The following BCAS3 variants were observed in gnomAD, a reference collection of about 807,000 sequenced individuals.
The protein encoded by BCAS3 is BCAS3 microtubule associated cell migration factor.
In BCAS3, 53 loss-of-function variants were observed where a neutral mutation model predicts 116.1. That is an observed-to-expected ratio of 0.46 (90% CI 0.37 to 0.57). BCAS3 has a LOEUF of 0.57. Ranked by LOEUF, BCAS3 falls within the 20% of genes least tolerant of loss-of-function variation. The pLI is 0.00. For missense variants in BCAS3, 917 were observed against 1,165.4 expected (o/e 0.79, Z 3.10); for synonymous variants, 391 against 408.2 (o/e 0.96, Z 0.51).
At position 61,132,996 on chromosome 17, in the gene BCAS3, T is replaced by G. The variant is rs2076418758; in HGVS notation, c.2425+48432T>G. Among the ~76,000 whole-genome samples, 1 of 152,198 alleles carries G rather than the reference T, an allele frequency of 6.6e-6. No homozygotes were observed. The highest frequency in any genetic ancestry group is 1.5e-5 in the Non-Finnish European group (1 of 68,038). ...ACTGTACTGAAAGAATCTTGTCAGA[T>G]ATCCAAGGCTAAAGGAAAATTTTAA... On this transcript the variant is annotated intron_variant, in intron 22 of 23. Transcript: ENST00000407086. The surrounding 1 kb of genome is among the most constrained non-coding windows in gnomAD (Gnocchi z 5.1).
At chr17:60,930,978 A>G (rs991475628) in intron 13 of BCAS3, among the ~76,000 whole-genome samples, 4 of 152,218 alleles carry the variant, frequency 2.6e-5, no homozygotes, top group African/African-American at 9.6e-5. Context: ...TATGGGACCT[A>G]TTCAGAAAAG....
At chr17:61,182,556 A>T (rs931713354) in intron 22 of BCAS3, among the ~76,000 whole-genome samples, 10 of 152,240 alleles carry the variant, frequency 6.6e-5, no homozygotes, top group African/African-American at 2.4e-4. Flanking sequence ...CATGGTAAGT[A>T]TACAATTTAA....
intron 23 of BCAS3, among the ~76,000 whole-genome samples, chr17:61,369,400 G>T (rs1299900723): frequency 6.6e-6 from 1 of 152,124 alleles, no homozygotes; most frequent in South Asian, 2.1e-4. Flanking sequence ...CGTTCCACAT[G>T]CCTCCCTGCA....
intron 4 of BCAS3, among the ~76,000 whole-genome samples, chr17:60,701,805 C>CAAAAAAAAA (rs71370178): frequency 1.6e-4 from 12 of 77,042 alleles, no homozygotes; most frequent in South Asian, 3.9e-4. Flanking sequence ...ACTAAAAATA[C>CAAAAAAAAA]AAAAAAAAAA....
Position 61,199,470 on chromosome 17 carries a change from G to C in BCAS3, c.2425+114906G>C, listed in dbSNP as rs757538633. On this transcript the variant is annotated intron_variant, in intron 22 of 23. Coordinates refer to ENST00000407086, the MANE Select transcript of BCAS3 (RefSeq NM_017679.5). This position sits in a 1 kb window ranked among gnomAD's most constrained non-coding sequence, Gnocchi z 4.6. ...ATAGTAGCTATCACAACCAAATTTA[G>C]AATGTGACACCATTGTTTAGGTGTA... is the stretch of plus-strand genomic sequence containing the variant. Among the ~76,000 whole-genome samples the C allele has an allele frequency of 3.2e-4, 48 of 152,172 alleles. No homozygotes were observed. The highest frequency in any genetic ancestry group is 6.3e-4 in the Non-Finnish European group (43 of 68,036).
chr17:60,927,746 T>C (rs1274493305), intron 13 of BCAS3, among the ~76,000 whole-genome samples: 2 of 152,166 alleles, frequency 1.3e-5, no homozygotes, highest in African/African-American at 4.8e-5. Context: ...ATTAGTTAAC[T>C]GTACCTGTAA....
Position 61,156,115 on chromosome 17 carries a change from G to A in BCAS3, c.2425+71551G>A, listed in dbSNP as rs551992525. 1.3e-5 allele frequency among the ~76,000 whole-genome samples: 2 copies of A among 151,458 alleles called. No homozygotes were observed. The highest frequency in any genetic ancestry group is 6.6e-5 in the Admixed American group (1 of 15,190). Reference sequence around the variant, plus strand: ...TCACCTATCAGCAAATAATTTACTCGGTATGCACCACAAACAAACGCAGAG... The same window carrying A: ...TCACCTATCAGCAAATAATTTACTCAGTATGCACCACAAACAAACGCAGAG... On this transcript the variant is annotated intron_variant, in intron 22 of 23. Coordinates refer to ENST00000407086, the MANE Select transcript of BCAS3 (RefSeq NM_017679.5). This position sits in a 1 kb window ranked among gnomAD's most constrained non-coding sequence, Gnocchi z 4.7.
chr17:61,256,936 C>A lies in BCAS3; in HGVS notation c.2426-111391C>A, dbSNP rs1446140011. Among the ~76,000 whole-genome samples the A allele has an allele frequency of 6.6e-6, 1 of 151,956 alleles. No homozygotes were observed. The highest frequency in any genetic ancestry group is 1.5e-5 in the Non-Finnish European group (1 of 67,994). Reference sequence around the variant, plus strand: ...AATTCCTTGGAGGTGAACCTAGGTTCTCTTTGAGGTATTTTCTCTACCAAA... The same window carrying A: ...AATTCCTTGGAGGTGAACCTAGGTTATCTTTGAGGTATTTTCTCTACCAAA... On this transcript the variant is annotated intron_variant, in intron 22 of 23. Coordinates refer to ENST00000407086, the MANE Select transcript of BCAS3 (RefSeq NM_017679.5). This position sits in a 1 kb window ranked among gnomAD's most constrained non-coding sequence, Gnocchi z 5.6.
Position 61,365,789 on chromosome 17 carries a change from C to T in BCAS3, c.2426-2538C>T, listed in dbSNP as rs922226065. Among the ~76,000 whole-genome samples the T allele has an allele frequency of 1.3e-5, 2 of 152,082 alleles. No homozygotes were observed. The highest frequency in any genetic ancestry group is 2.4e-5 in the African/African-American group (1 of 41,410). ...CTCCTGCTCTTGTGAAGTGAGAAAA[C>T]AAATGGTCATTCTCTTCCCAATTTT... On this transcript the variant is annotated intron_variant, in intron 22 of 23. Transcript: ENST00000407086. This position sits in a 1 kb window ranked among gnomAD's most constrained non-coding sequence, Gnocchi z 4.6.
rs1424353213 is a variant in BCAS3 at position 61,199,425 on chromosome 17, C to T, written c.2425+114861C>T. ...CGACATCATACTGACTACAAATTAC[C>T]TCCCCTAGTTTAAAGGCAAATAGTA... On this transcript the variant is annotated intron_variant, in intron 22 of 23. Coordinates refer to ENST00000407086, the MANE Select transcript of BCAS3 (RefSeq NM_017679.5). The surrounding 1 kb of genome is among the most constrained non-coding windows in gnomAD (Gnocchi z 4.6). Among the ~76,000 whole-genome samples the T allele has an allele frequency of 6.6e-6, 1 of 152,172 alleles. No individual in the cohort carries two copies. Among genetic ancestry groups the T allele is most frequent in the Non-Finnish European group, 1.5e-5 (1 of 68,032 alleles).
Position 61,161,419 on chromosome 17 carries a change from T to G in BCAS3, c.2425+76855T>G, listed in dbSNP as rs2078161047. On this transcript the variant is annotated intron_variant, in intron 22 of 23. Coordinates refer to ENST00000407086, the MANE Select transcript of BCAS3 (RefSeq NM_017679.5). This position sits in a 1 kb window ranked among gnomAD's most constrained non-coding sequence, Gnocchi z 4.8. ...CAAGGCCCACTTGTTGCATTTAATT[T>G]AAAGCAGTTGTCCCAATTTCATTAC... Among the ~76,000 whole-genome samples the G allele has an allele frequency of 6.6e-6, 1 of 152,236 alleles. No homozygotes were observed. The highest frequency in any genetic ancestry group is 2.4e-5 in the African/African-American group (1 of 41,468).
At chr17:61,091,777 A>G (rs944235079) in intron 22 of BCAS3, among the ~76,000 whole-genome samples, 2 of 152,234 alleles carry the variant, frequency 1.3e-5, no homozygotes, top group Non-Finnish European at 2.9e-5. Context: ...GGAAAGAATA[A>G]TGACCACTAA....
intron 22 of BCAS3, among the ~76,000 whole-genome samples, chr17:61,250,425 A>G (rs1456380520): frequency 1.3e-5 from 2 of 152,204 alleles, no homozygotes; most frequent in African/African-American, 2.4e-5. Flanking sequence ...GAGGACCCAG[A>G]GAAGGCTTGT....
chr17:61,254,184 G>GT (rs141264303), intron 22 of BCAS3, among the ~76,000 whole-genome samples: 1,595 of 152,206 alleles, frequency 0.01, 35 homozygotes, highest in African/African-American at 0.036. Context: ...GTGGATGTTT[G>GT]TTTTTTATTT....
chr17:61,026,815 A>C lies in BCAS3; in HGVS notation c.1638-7851A>C. 1 of 1,505,566 alleles carries C rather than the reference A, an allele frequency of 6.6e-7. No homozygotes were observed. Among genetic ancestry groups the C allele is most frequent in the South Asian group, 1.2e-5 (1 of 83,548 alleles). 93.3% of individuals were successfully genotyped at this position (1,505,566 alleles called of 1,614,324 possible). A position where few individuals can be genotyped will look rare whatever the true frequency, so the allele number is the denominator to read the frequency against. ...TGATATACTTGTATTTGCTAATGTT[A>C]AATGAGTTTTTCTCTAATTTTTTGT... is the stretch of plus-strand genomic sequence containing the variant. On this transcript the variant is annotated intron_variant, in intron 16 of 23. Transcript: ENST00000407086. The surrounding 1 kb of genome is among the most constrained non-coding windows in gnomAD (Gnocchi z 5.0).
chr17:61,206,220 T>C (rs1438143886), intron 22 of BCAS3, among the ~76,000 whole-genome samples: 1 of 152,034 alleles, frequency 6.6e-6, no homozygotes, highest in Non-Finnish European at 1.5e-5. Context: ...ATGGGGTGAG[T>C]CATAATCCTG....
chr17:61,387,265 A>G lies in BCAS3; in HGVS notation c.2594-4712A>G, dbSNP rs186216324. 1.3e-4 allele frequency among the ~76,000 whole-genome samples: 20 copies of G among 152,322 alleles called. No individual in the cohort carries two copies. The highest frequency in any genetic ancestry group is 4.8e-4 in the African/African-American group (20 of 41,582). On this transcript the variant is annotated intron_variant, in intron 23 of 23. Coordinates refer to ENST00000407086, the MANE Select transcript of BCAS3 (RefSeq NM_017679.5). The surrounding 1 kb of genome is among the most constrained non-coding windows in gnomAD (Gnocchi z 6.2). ...TGCATGGGCCCATGCTGCACGGCCCAGCTCAGGAGTAGGACAAGGTGTGGG... is the reference window on the plus strand; with the variant it reads ...TGCATGGGCCCATGCTGCACGGCCCGGCTCAGGAGTAGGACAAGGTGTGGG...
At position 61,337,680 on chromosome 17, in the gene BCAS3, C is replaced by G. The variant is rs1338585165; in HGVS notation, c.2426-30647C>G. On this transcript the variant is annotated intron_variant, in intron 22 of 23. Transcript: ENST00000407086. The surrounding 1 kb of genome is among the most constrained non-coding windows in gnomAD (Gnocchi z 4.8). Reference sequence around the variant, plus strand: ...GGATTGTTTTTATTGTTTTTTTTTCCTTTTTCTTTTTGCGCTCACCCCTTA... The same window carrying G: ...GGATTGTTTTTATTGTTTTTTTTTCGTTTTTCTTTTTGCGCTCACCCCTTA... 1.3e-5 allele frequency among the ~76,000 whole-genome samples: 2 copies of G among 151,392 alleles called. No individual in the cohort carries two copies. Among genetic ancestry groups the G allele is most frequent in the Admixed American group, 1.3e-4 (2 of 15,222 alleles).
In BCAS3 at chr17:61,249,782, T is replaced by C. The variant is rs1057488114; in HGVS notation, c.2426-118545T>C. On this transcript the variant is annotated intron_variant, in intron 22 of 23. Transcript: ENST00000407086. The surrounding 1 kb of genome is among the most constrained non-coding windows in gnomAD (Gnocchi z 6.2). The stretch of plus-strand genomic sequence containing the variant: ...CATTATTTTGATAATTACTACACCT[T>C]AATCTGTTATCTGTCAAAAGGGAAA... 2.0e-5 allele frequency among the ~76,000 whole-genome samples: 3 copies of C among 152,092 alleles called. No homozygotes were observed. The highest frequency in any genetic ancestry group is 7.2e-5 in the African/African-American group (3 of 41,440).
Sources: gnomAD v4.1 joint callset for allele counts (sites outside exome capture counted in the v4.1 genomes callset) on GRCh38, gnomAD v4.1.1 for gene constraint, Gnocchi (gnomAD v3.1) non-coding constraint, MANE v1.5 for transcripts, NCBI Gene and HGNC (gene_info 2026-07-23, HGNC 2026-07-21) for gene names.